PALM2AKAP2: variants seen among roughly 807,000 people sequenced by gnomAD.
The protein encoded by PALM2AKAP2 is PALM2 and AKAP2 fusion.
Under a neutral mutation model 71.5 loss-of-function variants are expected in PALM2AKAP2, and 37 were observed. The ratio of observed to expected loss-of-function variants is 0.52; its 90% CI spans 0.40 to 0.68. PALM2AKAP2 has a LOEUF of 0.68. PALM2AKAP2 is among the 30% of genes least tolerant of loss of function. The pLI is 0.00. For missense variants in PALM2AKAP2, 1,224 were observed against 1,191.8 expected, an observed-to-expected ratio of 1.03 and a Z score of -0.40; for synonymous variants, 468 against 478.8, an observed-to-expected ratio of 0.98 and a Z score of 0.29.
intron 6 of PALM2AKAP2, chr9:109,942,639 C>CT (rs758621792): frequency 3.3e-6 from 5 of 1,513,018 alleles, no homozygotes; most frequent in Middle Eastern, 1.8e-4. Flanking sequence ...CATTCACTGG[C>CT]TTTTTTTGTT....
intron 6 of PALM2AKAP2, among the ~76,000 whole-genome samples, chr9:109,983,950 AT>A (rs1364451434): frequency 6.6e-5 from 10 of 152,232 alleles, no homozygotes; most frequent in African/African-American, 2.4e-4. Flanking sequence ...GAAAACAAGT[AT>A]TCAGGAATGA....
chr9:109,699,328 A>C (rs1325034647), intron 1 of PALM2AKAP2, among the ~76,000 whole-genome samples: 1 of 152,262 alleles, frequency 6.6e-6, no homozygotes, highest in Non-Finnish European at 1.5e-5. Context: ...ACAATCAGGC[A>C]GTATAAATCA....
intron 1 of PALM2AKAP2, among the ~76,000 whole-genome samples, chr9:109,731,448 C>A (rs920207239): frequency 6.6e-5 from 10 of 152,146 alleles, no homozygotes; most frequent in Non-Finnish European, 1.3e-4. Flanking sequence ...AGTCATGGCT[C>A]CAATACCCTA....
chr9:109,658,180 C>T (rs1287626871), intron 1 of PALM2AKAP2, among the ~76,000 whole-genome samples: 1 of 151,996 alleles, frequency 6.6e-6, no homozygotes, highest in Non-Finnish European at 1.5e-5. Context: ...GGGTGGTTGG[C>T]TGTATGAGTC....
At chr9:110,092,834 C>T (rs763382782) in intron 1 of PALM2AKAP2, among the ~76,000 whole-genome samples, 28 of 152,144 alleles carry the variant, frequency 1.8e-4, no homozygotes, top group Non-Finnish European at 3.7e-4. Flanking sequence ...CAGCAGCTTC[C>T]GGCTTTTATT....
chr9:110,014,502 G>A (rs1486759688), intron 6 of PALM2AKAP2, among the ~76,000 whole-genome samples: 1 of 151,924 alleles, frequency 6.6e-6, no homozygotes, highest in Non-Finnish European at 1.5e-5. Flanking sequence ...GTTGGGCACA[G>A]TGGCTCACTC....
intron 6 of PALM2AKAP2, among the ~76,000 whole-genome samples, chr9:109,974,931 G>T (rs1832144593): frequency 6.6e-6 from 1 of 152,140 alleles, no homozygotes; most frequent in African/African-American, 2.4e-5. Context: ...GGAGCCTCTG[G>T]CCAAATGTCA....
At chr9:109,834,997 C>T (rs181706037) in intron 1 of PALM2AKAP2, among the ~76,000 whole-genome samples, 5 of 152,166 alleles carry the variant, frequency 3.3e-5, no homozygotes, top group Admixed American at 6.5e-5. Flanking sequence ...CACCTTCTAC[C>T]GAATGCCAGG....
intron 1 of PALM2AKAP2, among the ~76,000 whole-genome samples, chr9:109,739,190 C>G (rs1205272700): frequency 6.6e-6 from 1 of 152,166 alleles, no homozygotes; most frequent in Admixed American, 6.5e-5. Context: ...ACTTTGCTGA[C>G]ATAGACAGGG....
At chr9:109,778,880 T>A (rs1170638651), upstream of PALM2AKAP2, among the ~76,000 whole-genome samples, 5 of 151,880 alleles carry the variant, frequency 3.3e-5, no homozygotes, top group Non-Finnish European at 7.4e-5. Context: ...GTGATTCTCC[T>A]GCCTCGGCTT....
At chr9:109,999,432 C>A (rs1211447028) in intron 6 of PALM2AKAP2, among the ~76,000 whole-genome samples, 2 of 152,102 alleles carry the variant, frequency 1.3e-5, no homozygotes, top group East Asian at 3.9e-4. Flanking sequence ...CAGACATGGT[C>A]TAGTCTAGTC....
intron 1 of PALM2AKAP2, among the ~76,000 whole-genome samples, chr9:109,679,046 A>C (rs1827689079): frequency 6.6e-6 from 1 of 152,176 alleles, no homozygotes; most frequent in Admixed American, 6.5e-5. Flanking sequence ...TTCATGCACC[A>C]AAAGCTTTGC....
At chr9:109,825,472 A>C (rs1436747761) in intron 1 of PALM2AKAP2, among the ~76,000 whole-genome samples, 1 of 152,270 alleles carries the variant, frequency 6.6e-6, no homozygotes, top group Non-Finnish European at 1.5e-5. Context: ...CATCTGACGA[A>C]GGGCTAATAT....
At chr9:109,742,710 A>G (rs1422815087) in intron 1 of PALM2AKAP2, among the ~76,000 whole-genome samples, 2 of 152,162 alleles carry the variant, frequency 1.3e-5, no homozygotes, top group Non-Finnish European at 2.9e-5. Context: ...GGCCCCTTAC[A>G]TGGTTAACTT....
intron 1 of PALM2AKAP2, among the ~76,000 whole-genome samples, chr9:109,826,976 A>G (rs1407209198): frequency 2.0e-5 from 3 of 152,206 alleles, no homozygotes; most frequent in Non-Finnish European, 4.4e-5. Context: ...TTGGTTTAAT[A>G]AGTGATGAAC....
chr9:110,142,034 G>A (rs1430006832), intron 2 of PALM2AKAP2, among the ~76,000 whole-genome samples: 6 of 149,756 alleles, frequency 4.0e-5, no homozygotes, highest in African/African-American at 1.5e-4. Context: ...TAATGACCGG[G>A]TATCTAGAAA....
intron 3 of PALM2AKAP2, among the ~76,000 whole-genome samples, chr9:109,896,103 C>T (rs761624522): frequency 2.6e-5 from 4 of 151,882 alleles, no homozygotes; most frequent in East Asian, 1.9e-4. Context: ...GAGAACTGCT[C>T]GAACCTGGGA....
upstream of PALM2AKAP2, among the ~76,000 whole-genome samples, chr9:109,775,397 CTT>C (rs369230038): frequency 7.7e-4 from 117 of 152,344 alleles, 2 homozygotes; most frequent in African/African-American, 2.7e-3. Context: ...TTTCTATCTT[CTT>C]GCTCCATGGG....
intron 6 of PALM2AKAP2, among the ~76,000 whole-genome samples, chr9:109,996,256 A>T (rs1832573242): frequency 6.6e-6 from 1 of 152,204 alleles, no homozygotes; most frequent in African/African-American, 2.4e-5. Context: ...TAATCATTAG[A>T]GTATGTGGAG....
Sources: gnomAD v4.1 joint callset for allele counts (sites outside exome capture counted in the v4.1 genomes callset) on GRCh38, gnomAD v4.1.1 for gene constraint, MANE v1.5 for transcripts, NCBI Gene and HGNC (gene_info 2026-07-23, HGNC 2026-07-21) for gene names.